HMCN1: variants seen among roughly 807,000 people sequenced by gnomAD.
The protein encoded by HMCN1 is hemicentin-1.
HMCN1 carries 321 observed loss-of-function variants against 625.9 expected under a neutral mutation model. That is an observed-to-expected ratio of 0.51 (90% CI 0.47 to 0.56). HMCN1 has a LOEUF of 0.56. Ranked by LOEUF, HMCN1 falls within the 20% of genes least tolerant of loss-of-function variation. The pLI, the probability that HMCN1 is intolerant of heterozygous loss-of-function variation, is 0.00. For synonymous variants in HMCN1, 2,425 were observed against 2,417.6 expected, an observed-to-expected ratio of 1.00 and a Z score of -0.09; for missense variants, 6,588 against 6,887.3, an observed-to-expected ratio of 0.96 and a Z score of 1.54.
intron 46 of HMCN1, among the ~76,000 whole-genome samples, chr1:186,059,733 T>C (rs1657562505): frequency 6.6e-6 from 1 of 152,062 alleles, no homozygotes; most frequent in Non-Finnish European, 1.5e-5. Flanking sequence ...GACCCTATCA[T>C]TGTTATGAAG....
intron 6 of HMCN1, among the ~76,000 whole-genome samples, chr1:185,915,627 G>T (rs2102462924): frequency 6.6e-6 from 1 of 152,192 alleles, no homozygotes; most frequent in African/African-American, 2.4e-5. Context: ...TCTGAGACTA[G>T]TAGAAATATT....
rs1233995442 is a variant in HMCN1 at position 185,934,129 on chromosome 1, G to A, written c.1828+305G>A. Among the ~76,000 whole-genome samples, 5 of 151,972 alleles carry A rather than the reference G, an allele frequency of 3.3e-5. No homozygotes were observed. In the East Asian group the frequency reaches 9.6e-4, roughly 29 times the overall value. ...TTTAAATTCTTTAATCCATCTTGTGGATTTTTTTAAAAAATACTAATTTTA... is the reference window on the plus strand; with the variant it reads ...TTTAAATTCTTTAATCCATCTTGTGAATTTTTTTAAAAAATACTAATTTTA... On this transcript the variant is annotated intron_variant, in intron 11 of 106. Transcript: ENST00000271588.
At chr1:185,862,627 T>G (rs1436298729) in intron 2 of HMCN1, among the ~76,000 whole-genome samples, 1 of 152,088 alleles carries the variant, frequency 6.6e-6, no homozygotes, top group Non-Finnish European at 1.5e-5. Flanking sequence ...ATAAGTATGG[T>G]CAAAAGATAC....
intron 29 of HMCN1, 84 bp downstream of exon 29, chr1:186,003,928 A>G (rs1200863230): frequency 8.0e-7 from 1 of 1,252,638 alleles, no homozygotes; most frequent in Non-Finnish European, 1.2e-6. Flanking sequence ...CTCCCTCTTA[A>G]TTATTTTATT....
In HMCN1 at chr1:186,023,170, A is replaced by C. The variant is rs1468567781; in HGVS notation, c.5749+17A>C. The stretch of plus-strand genomic sequence containing the variant: ...ATGTTCATGGTAATGTAATTTCTAC[A>C]CCTTAACAAAAGAATATTTGTATCA... On this transcript the variant is annotated intron_variant, in intron 36 of 106. Transcript: ENST00000271588. 1 of 1,608,516 alleles carries C rather than the reference A, an allele frequency of 6.2e-7. No homozygotes were observed. The highest frequency in any genetic ancestry group is 8.5e-7 in the Non-Finnish European group (1 of 1,175,422).
intron 100 of HMCN1, among the ~76,000 whole-genome samples, chr1:186,169,423 A>G (rs7552106): frequency 0.36 from 54,449 of 151,982 alleles, 10,223 homozygotes; most frequent in African/African-American, 0.46. Context: ...GAGGCATCAC[A>G]CTACCTGACT....
intron 11 of HMCN1, among the ~76,000 whole-genome samples, chr1:185,961,808 C>G (rs1459190834): frequency 6.6e-6 from 1 of 151,988 alleles, no homozygotes; most frequent in Non-Finnish European, 1.5e-5. Flanking sequence ...GTTTGAATAA[C>G]TGATTTTTTT....
At chr1:185,887,769 C>T (rs897811575) in intron 4 of HMCN1, among the ~76,000 whole-genome samples, 7 of 138,920 alleles carry the variant, frequency 5.0e-5, no homozygotes, top group Non-Finnish European at 9.3e-5. Context: ...AATAAACATA[C>T]GTGTGCATGT....
At chr1:185,887,246 A>G (rs765326086) in intron 4 of HMCN1, among the ~76,000 whole-genome samples, 21 of 152,098 alleles carry the variant, frequency 1.4e-4, no homozygotes, top group Non-Finnish European at 2.2e-4. Context: ...CATCCATACT[A>G]AGCAGCAGTT....
intron 35 of HMCN1, among the ~76,000 whole-genome samples, chr1:186,021,977 T>C (rs1011072993): frequency 1.5e-4 from 23 of 152,206 alleles, no homozygotes; most frequent in African/African-American, 5.1e-4. Context: ...GGATTCAAAG[T>C]AGGTTCCAAA....
At chr1:185,782,463 A>G (rs549358817) in intron 1 of HMCN1, among the ~76,000 whole-genome samples, 1 of 152,298 alleles carries the variant, frequency 6.6e-6, no homozygotes, top group South Asian at 2.1e-4. Context: ...ACAGTTTGGC[A>G]TGTCTTTGCA....
chr1:185,936,938 T>C (rs1041894927), intron 11 of HMCN1, among the ~76,000 whole-genome samples: 10 of 152,182 alleles, frequency 6.6e-5, no homozygotes, highest in Non-Finnish European at 1.0e-4. Context: ...CCAAACACTT[T>C]GTTAAAAGAC....
chr1:185,984,316 A>T lies in HMCN1; in HGVS notation c.2935+3A>T. 1 of 1,613,886 alleles carries T rather than the reference A, an allele frequency of 6.2e-7. No homozygotes were observed. Among genetic ancestry groups the T allele is most frequent in the Non-Finnish European group, 8.5e-7 (1 of 1,179,836 alleles). ...AACTACCTCTGTGGTTGTGCATGGT[A>T]AGAGACACACCCAATGTTATTGTTT... On this transcript the variant is annotated splice_donor_region_variant and intron_variant, in intron 19 of 106. Coordinates refer to ENST00000271588, the MANE Select transcript of HMCN1 (RefSeq NM_031935.3).
At chr1:186,001,864 AT>A in intron 28 of HMCN1, 123 bp downstream of exon 28, 1 of 832,578 alleles carries the variant, frequency 1.2e-6, no homozygotes, top group Non-Finnish European at 1.9e-6. Context: ...GTTTCATTCT[AT>A]TATTTTTGTC....
chr1:185,804,806 A>G (rs1361177369), intron 1 of HMCN1, among the ~76,000 whole-genome samples: 2 of 151,980 alleles, frequency 1.3e-5, no homozygotes, highest in African/African-American at 4.8e-5. Flanking sequence ...TTCCTTCTTT[A>G]TAGTCTTCCT....
chr1:185,961,700 A>G (rs1650037016), intron 11 of HMCN1, among the ~76,000 whole-genome samples: 1 of 152,240 alleles, frequency 6.6e-6, no homozygotes. Flanking sequence ...TCCCAGAATT[A>G]TCTCAGAGAA....
chr1:185,829,631 G>T (rs966970367), intron 1 of HMCN1, among the ~76,000 whole-genome samples: 7 of 152,030 alleles, frequency 4.6e-5, no homozygotes, highest in African/African-American at 1.7e-4. Context: ...GTGTATATGT[G>T]CCACATTTTC....
intron 1 of HMCN1, among the ~76,000 whole-genome samples, chr1:185,742,451 A>G (rs559345341): frequency 2.0e-5 from 3 of 152,274 alleles, no homozygotes; most frequent in South Asian, 4.1e-4. Flanking sequence ...TTCTCTTAGA[A>G]TATTTTTCTG....
chr1:186,081,842 C>T (rs1659186473), intron 56 of HMCN1, among the ~76,000 whole-genome samples: 1 of 152,224 alleles, frequency 6.6e-6, no homozygotes, highest in South Asian at 2.1e-4. Context: ...AATGGTGTGT[C>T]CATATTCTTC....
Sources: gnomAD v4.1 joint callset for allele counts (sites outside exome capture counted in the v4.1 genomes callset) on GRCh38, gnomAD v4.1.1 for gene constraint, MANE v1.5 for transcripts, NCBI Gene and HGNC (gene_info 2026-07-23, HGNC 2026-07-21) for gene names.